BBX: variants seen among roughly 807,000 people sequenced by gnomAD.
The protein encoded by BBX is HMG box transcription factor BBX.
BBX carries 30 observed loss-of-function variants against 100.2 expected under a neutral mutation model. The ratio of observed to expected loss-of-function variants is 0.30; its 90% CI spans 0.22 to 0.41. BBX has a LOEUF of 0.41. BBX is among the 10% of genes least tolerant of loss of function. BBX has a pLI of 1.00. For missense variants in BBX, 1,023 were observed against 1,129.8 expected (o/e 0.91, Z 1.35); for synonymous variants, 376 against 388.1 (o/e 0.97, Z 0.37).
intron 13 of BBX, among the ~76,000 whole-genome samples, chr3:107,786,916 C>T (rs1265834854): frequency 6.6e-6 from 1 of 152,092 alleles, no homozygotes; most frequent in Non-Finnish European, 1.5e-5. Context: ...TTTATCTAGA[C>T]TGTATAAGGA....
intron 2 of BBX, among the ~76,000 whole-genome samples, chr3:107,533,113 T>C (rs778096778): frequency 6.6e-6 from 1 of 152,160 alleles, no homozygotes; most frequent in Non-Finnish European, 1.5e-5. Flanking sequence ...AATAATAATA[T>C]TGATTAATTG....
chr3:107,658,629 T>G (rs1165742457), intron 3 of BBX, among the ~76,000 whole-genome samples: 1 of 152,152 alleles, frequency 6.6e-6, no homozygotes, highest in Non-Finnish European at 1.5e-5. Flanking sequence ...AGAATGGTGG[T>G]AAAGATAAAC....
intron 2 of BBX, among the ~76,000 whole-genome samples, chr3:107,638,750 T>C (rs1576118870): frequency 2.0e-5 from 2 of 100,054 alleles, no homozygotes; most frequent in African/African-American, 3.9e-5. Flanking sequence ...GAGAAACCAC[T>C]CCTCTACCAA....
At chr3:107,597,803 G>A (rs191062730) in intron 2 of BBX, among the ~76,000 whole-genome samples, 21 of 152,286 alleles carry the variant, frequency 1.4e-4, no homozygotes, top group Admixed American at 3.3e-4. Context: ...TTCACCAACA[G>A]TATTTCCAAT....
chr3:107,707,253 T>TCACATGCCACCTTGGTCTGTGTGTCTGA (rs2061447235), intron 3 of BBX, among the ~76,000 whole-genome samples: 1 of 152,230 alleles, frequency 6.6e-6, no homozygotes, highest in African/African-American at 2.4e-5. Context: ...TTCTCAGACA[T>TCACATGCCACCTTGGTCTGTGTGTCTGA]CACATGCCAC....
chr3:107,595,810 T>TA (rs1384503776), intron 2 of BBX, among the ~76,000 whole-genome samples: 3 of 152,334 alleles, frequency 2.0e-5, no homozygotes, highest in African/African-American at 7.2e-5. Flanking sequence ...ACACGGGGTT[T>TA]AACATGCTGA....
chr3:107,771,924 G>C (rs917048158), intron 10 of BBX, among the ~76,000 whole-genome samples: 2 of 152,040 alleles, frequency 1.3e-5, no homozygotes, highest in East Asian at 3.9e-4. Flanking sequence ...ATTAAATACA[G>C]GTTGAGCATT....
chr3:107,642,256 A>G (rs2057257392), intron 2 of BBX, among the ~76,000 whole-genome samples: 1 of 152,236 alleles, frequency 6.6e-6, no homozygotes, highest in Admixed American at 6.5e-5. Context: ...TTTTTTGACT[A>G]CAAACACAAC....
chr3:107,638,891 A>C (rs543945701), intron 2 of BBX, among the ~76,000 whole-genome samples: 1 of 150,076 alleles, frequency 6.7e-6, no homozygotes, highest in African/African-American at 2.4e-5. Context: ...CAGGAGGCCA[A>C]GGTGGGAGGA....
intron 14 of BBX, 147 bp from the exon 15 acceptor site, chr3:107,791,093 T>G (rs909330745): frequency 2.4e-5 from 14 of 591,838 alleles, no homozygotes; most frequent in Non-Finnish European, 4.2e-5. Context: ...CAAATACCAT[T>G]TTAAGAATTA....
chr3:107,713,967 C>CTTTTTTTTTTTTTTTTTTTTTTTTTTTTT (rs569427270), intron 4 of BBX, among the ~76,000 whole-genome samples: 1 of 82,282 alleles, frequency 1.2e-5, no homozygotes, highest in Non-Finnish European at 2.6e-5. Context: ...TAATTTTTTT[C>CTTTTTTTTTTTTTTTTTTTTTTTTTTTTT]TTTTTTTTTT....
chr3:107,642,783 A>G (rs36107776), intron 2 of BBX, among the ~76,000 whole-genome samples: 1 of 151,548 alleles, frequency 6.6e-6, no homozygotes, highest in Admixed American at 6.6e-5. Flanking sequence ...TGTACCATGC[A>G]TGGTATCATG....
At chr3:107,574,335 A>G (rs1018886839) in intron 2 of BBX, among the ~76,000 whole-genome samples, 2 of 152,222 alleles carry the variant, frequency 1.3e-5, no homozygotes, top group Non-Finnish European at 2.9e-5. Context: ...TCTTACTGCA[A>G]GATTAACATT....
chr3:107,652,711 C>G (rs1475594810), intron 3 of BBX, among the ~76,000 whole-genome samples: 1 of 152,120 alleles, frequency 6.6e-6, no homozygotes, highest in Non-Finnish European at 1.5e-5. Flanking sequence ...CCTCTGATCT[C>G]TATTATAGAG....
intron 7 of BBX, among the ~76,000 whole-genome samples, chr3:107,738,066 T>C (rs926376644): frequency 2.0e-5 from 3 of 151,510 alleles, no homozygotes; most frequent in Non-Finnish European, 4.4e-5. Flanking sequence ...TTGGGGATAC[T>C]GAACCTGTAA....
intron 3 of BBX, among the ~76,000 whole-genome samples, chr3:107,671,973 A>G (rs1343630248): frequency 1.3e-5 from 2 of 152,206 alleles, no homozygotes; most frequent in African/African-American, 2.4e-5. Context: ...ATGGTTTAGA[A>G]AAGTCCTAAA....
intron 16 of BBX, among the ~76,000 whole-genome samples, chr3:107,798,926 G>A (rs2070079042): frequency 1.3e-5 from 2 of 151,664 alleles, no homozygotes; most frequent in East Asian, 1.9e-4. Flanking sequence ...TGAGGTGGGT[G>A]GATCATGAGG....
At chr3:107,683,677 G>C (rs1325006685) in intron 3 of BBX, among the ~76,000 whole-genome samples, 2 of 152,132 alleles carry the variant, frequency 1.3e-5, no homozygotes, top group African/African-American at 2.4e-5. Flanking sequence ...ACTAACTGCT[G>C]ACTTTATGGA....
intron 2 of BBX, chr3:107,638,521 A>G (rs1427378996): frequency 1.3e-5 from 2 of 152,202 alleles, no homozygotes; most frequent in African/African-American, 2.4e-5. Context: ...TGGAATTAAT[A>G]TACCTGGAAC....
Sources: allele counts gnomAD v4.1 joint callset (sites outside exome capture counted in the v4.1 genomes callset), GRCh38; gene constraint gnomAD v4.1.1; transcripts MANE v1.5; gene names NCBI Gene and HGNC (gene_info 2026-07-23, HGNC 2026-07-21).